HEATR5B: variants seen among roughly 807,000 people sequenced by gnomAD.
The protein encoded by HEATR5B is HEAT repeat containing 5B.
HEATR5B carries 156 observed loss-of-function variants against 224.1 expected under a neutral mutation model. The observed-to-expected ratio is 0.70, with a 90% CI of 0.61 to 0.80. HEATR5B has a LOEUF of 0.80. Ranked by LOEUF, HEATR5B falls within the 30% of genes least tolerant of loss-of-function variation. The probability of loss-of-function intolerance (pLI) is 0.00; values close to 1 mark genes in which losing one functional copy is unlikely to be tolerated. For missense variants in HEATR5B, 2,323 were observed against 2,535.5 expected (o/e 0.92, Z 1.80); for synonymous variants, 1,027 against 893.0 (o/e 1.15, Z -2.68).
intron 24 of HEATR5B, among the ~76,000 whole-genome samples, chr2:37,021,263 T>C (rs1668440055): frequency 6.6e-6 from 1 of 152,234 alleles, no homozygotes; most frequent in Non-Finnish European, 1.5e-5. Context: ...CTTGCAATAC[T>C]GCCTTTTGTT....
At chr2:37,070,189 C>T (rs761680032) in intron 7 of HEATR5B, 41 bp downstream of exon 7, 77 of 1,605,356 alleles carry the variant, frequency 4.8e-5, no homozygotes, top group Non-Finnish European at 5.5e-5. Context: ...CGTGAGCCAC[C>T]GTGCCTGGCC....
chr2:37,007,041 C>G lies in HEATR5B; in HGVS notation c.4777+9G>C. On this transcript the variant is annotated intron_variant, in intron 29 of 35. Transcript: ENST00000233099. ...ATAATCTTGAAATATATTAATATGA[C>G]AGACCTACCTAAAATCAGATGCATT... The G allele has an allele frequency of 1.2e-6, 2 of 1,612,670 alleles. No homozygotes were observed. Among genetic ancestry groups the G allele is most frequent in the Non-Finnish European group, 1.7e-6 (2 of 1,178,778 alleles).
intron 28 of HEATR5B, 117 bp downstream of exon 28, chr2:37,008,494 G>T: frequency 1.4e-6 from 1 of 732,452 alleles, no homozygotes; most frequent in Non-Finnish European, 2.4e-6. Context: ...TCAAACTTAA[G>T]CCACAGAAAT....
intron 20 of HEATR5B, 125 bp from the exon 21 acceptor site, chr2:37,038,149 G>A (rs981193237): frequency 1.5e-6 from 1 of 684,476 alleles, no homozygotes; most frequent in South Asian, 4.0e-5. Flanking sequence ...TTTTTTTGCT[G>A]TTGTTTTTGA....
chr2:37,034,881 C>A (rs75186363), intron 21 of HEATR5B, among the ~76,000 whole-genome samples: 1 of 151,988 alleles, frequency 6.6e-6, no homozygotes. Flanking sequence ...ATTTATTCCT[C>A]TTCCTGAAAA....
chr2:37,040,444 T>C lies in HEATR5B; in HGVS notation c.2931A>G (p.Thr977=). The C allele has an allele frequency of 1.2e-6, 2 of 1,614,048 alleles. No homozygotes were observed. The highest frequency in any genetic ancestry group is 1.7e-6 in the Non-Finnish European group (2 of 1,179,920). ...GPMYRGYVEP[T]LSLVLTLLLT... ...ACAGCAAGGTAAGAACTAGAGATAA[T>C]GTTGGTTCCACATAGCCACGATACA... The change falls in exon 20 of 36, where the codon ACA becomes ACG. Residue 977 remains threonine, a synonymous_variant. Transcript: ENST00000233099.
chr2:37,001,703 G>A (rs1380540599), intron 32 of HEATR5B, among the ~76,000 whole-genome samples: 4 of 148,626 alleles, frequency 2.7e-5, no homozygotes, highest in African/African-American at 5.0e-5. Flanking sequence ...TTGCTCTGTC[G>A]CTGAGGCTGC....
chr2:37,030,122 C>T (rs1383209844), intron 22 of HEATR5B, among the ~76,000 whole-genome samples: 2 of 152,018 alleles, frequency 1.3e-5, no homozygotes, highest in East Asian at 1.9e-4. Context: ...AGTATTATTA[C>T]GCCCTCTGAA....
chr2:37,005,057 C>A (rs1558718189), intron 30 of HEATR5B, among the ~76,000 whole-genome samples: 1 of 152,180 alleles, frequency 6.6e-6, no homozygotes, highest in Non-Finnish European at 1.5e-5. Flanking sequence ...AGGGTTCAAA[C>A]TCTTTTACAT....
chr2:37,014,132 CAAAAT>C (rs1667964757), intron 26 of HEATR5B, 112 bp from the exon 27 acceptor site: 1 of 537,236 alleles, frequency 1.9e-6, no homozygotes. Flanking sequence ...AAGAACAAAA[CAAAAT>C]AAACTACCCA....
In HEATR5B at chr2:37,082,086, T is replaced by TTC. The variant is rs371663046; in HGVS notation, c.126+1202_126+1203insGA. ...TTTTTTTTTTTTTTTTTTTTTTTTTTCAGATGGAGTTTCACTCTTGTCCCC... is the reference window on the plus strand; with the variant it reads ...TTTTTTTTTTTTTTTTTTTTTTTTTTTCCAGATGGAGTTTCACTCTTGTCCCC... On this transcript the variant is annotated intron_variant, in intron 2 of 35. Transcript: ENST00000233099. Among the ~76,000 whole-genome samples, 75 of 56,026 alleles carry TTC rather than the reference T, an allele frequency of 1.3e-3. 3 individuals are homozygous for TTC. Among genetic ancestry groups the TTC allele is most frequent in the Admixed American group, 2.0e-3 (6 of 2,986 alleles). The allele number at this position is 56,026 out of a possible 152,430, so 36.8% of individuals were successfully genotyped here.
chr2:37,024,903 G>C lies in HEATR5B; in HGVS notation c.3853+3020C>G, dbSNP rs1187384519. On this transcript the variant is annotated intron_variant, in intron 24 of 35. Coordinates refer to ENST00000233099, the MANE Select transcript of HEATR5B (RefSeq NM_019024.3). Reference sequence around the variant, plus strand: ...TACCCTTCCTCAAAGCAAGACCTCCGTCTTTTTTCTAAATCCTAGGAAATG... The same window carrying C: ...TACCCTTCCTCAAAGCAAGACCTCCCTCTTTTTTCTAAATCCTAGGAAATG... Among the ~76,000 whole-genome samples, 4 of 152,042 alleles carry C rather than the reference G, an allele frequency of 2.6e-5. No homozygotes were observed. The South Asian group carries it at 8.3e-4, about 32-fold the overall frequency.
chr2:37,040,918 T>C (rs1396486935), intron 19 of HEATR5B: 3 of 489,372 alleles, frequency 6.1e-6, no homozygotes, highest in Admixed American at 3.6e-5. Context: ...AAAGAAAATA[T>C]GTTTGAAGGA....
At chr2:37,067,902 AAATT>A (rs1313611642) in intron 8 of HEATR5B, among the ~76,000 whole-genome samples, 2 of 152,208 alleles carry the variant, frequency 1.3e-5, no homozygotes, top group African/African-American at 4.8e-5. Flanking sequence ...TCTAAAAAAT[AAATT>A]ATTGATATTT....
At chr2:37,006,161 A>G (rs1667401961) in intron 29 of HEATR5B, among the ~76,000 whole-genome samples, 1 of 152,216 alleles carries the variant, frequency 6.6e-6, no homozygotes, top group South Asian at 2.1e-4. Context: ...TAGAGGCACA[A>G]TGGGTATCAT....
intron 29 of HEATR5B, among the ~76,000 whole-genome samples, chr2:37,006,092 T>G (rs549953551): frequency 4.6e-5 from 7 of 152,334 alleles, no homozygotes; most frequent in Non-Finnish European, 8.8e-5. Context: ...AAAATTGTTT[T>G]TCATTAAATG....
chr2:37,048,950 T>C (rs988123995), intron 18 of HEATR5B, among the ~76,000 whole-genome samples: 1 of 152,246 alleles, frequency 6.6e-6, no homozygotes, highest in Admixed American at 6.5e-5. Flanking sequence ...TAGTTTGCTA[T>C]ATTTAATACT....
intron 2 of HEATR5B, among the ~76,000 whole-genome samples, chr2:37,082,940 C>G (rs1672700860): frequency 6.6e-6 from 1 of 151,830 alleles, no homozygotes; most frequent in South Asian, 2.1e-4. Context: ...AAAAAAAGAG[C>G]CTATTATTGA....
chr2:37,083,108 G>A (rs73924975), intron 2 of HEATR5B, among the ~76,000 whole-genome samples, 181 bp downstream of exon 2: 2,279 of 152,258 alleles, frequency 0.015, 54 homozygotes, highest in African/African-American at 0.051. Context: ...AAAGAAGATA[G>A]GCAATGAGCT....
Sources: gnomAD v4.1 joint callset for allele counts (sites outside exome capture counted in the v4.1 genomes callset) on GRCh38, gnomAD v4.1.1 for gene constraint, MANE v1.5 for transcripts, NCBI Gene and HGNC (gene_info 2026-07-23, HGNC 2026-07-21) for gene names.